Variants in PWWP2A observed in about 807,000 individuals in gnomAD.
PWWP2A encodes the protein PWWP domain containing 2A, also known as PWWP domain-containing protein 2A.
Under a neutral mutation model 48.5 loss-of-function variants are expected in PWWP2A, and 18 were observed. The ratio of observed to expected loss-of-function variants is 0.37; its 90% CI spans 0.26 to 0.55. The LOEUF (loss-of-function observed/expected upper bound fraction) is 0.55, where lower values mean the gene tolerates loss of function less well. Ranked by LOEUF, PWWP2A falls within the 20% of genes least tolerant of loss-of-function variation. The probability of loss-of-function intolerance (pLI) is 0.81; values close to 1 mark genes in which losing one functional copy is unlikely to be tolerated. For synonymous variants in PWWP2A, 396 were observed against 387.7 expected (o/e 1.02, Z -0.25); for missense variants, 867 against 976.4 (o/e 0.89, Z 1.49).
At position 160,119,070 on chromosome 5, in the gene PWWP2A, G is replaced by A; in HGVS notation, c.319C>T (p.Pro107Ser). The change falls in exon 1 of 2, where the codon CCT (proline) becomes TCT (serine). Residue 107 changes from proline to serine, a missense_variant. Coordinates refer to ENST00000307063, the MANE Select transcript of PWWP2A (RefSeq NM_001130864.2). ...VRVAESAAAAPQGGPELPPSP... is the reference protein window; with the variant it reads ...VRVAESAAAASQGGPELPPSP... ...GGTGGAAGTTCCGGCCCTCCCTGAG[G>A]CGCGGCTGCCGCCGACTCCGCCACC... 1.3e-6 allele frequency: 2 copies of A among 1,589,486 alleles called. No individual in the cohort carries two copies. Among genetic ancestry groups the A allele is most frequent in the East Asian group, 2.3e-5 (1 of 42,908 alleles).
chr5:160,069,425 A>C (rs1320591604), intron 2 of PWWP2A, among the ~76,000 whole-genome samples: 1 of 152,128 alleles, frequency 6.6e-6, no homozygotes, highest in African/African-American at 2.4e-5. Context: ...TGGCCACCTC[A>C]CCCTGGAGTT....
At chr5:160,100,292 G>A (rs1201328727) in intron 1 of PWWP2A, among the ~76,000 whole-genome samples, 2 of 152,102 alleles carry the variant, frequency 1.3e-5, no homozygotes, top group Non-Finnish European at 2.9e-5. Flanking sequence ...GGGAGACAGA[G>A]TGAGACTTCA....
At chr5:160,109,667 C>T (rs1757244437) in intron 1 of PWWP2A, among the ~76,000 whole-genome samples, 1 of 148,858 alleles carries the variant, frequency 6.7e-6, no homozygotes, top group Non-Finnish European at 1.5e-5. Flanking sequence ...GAAGAGAGGC[C>T]TTGATAAGGC....
At chr5:160,066,133 T>C (rs1426398762) in intron 4 of PWWP2A, among the ~76,000 whole-genome samples, 1 of 152,194 alleles carries the variant, frequency 6.6e-6, no homozygotes, top group South Asian at 2.1e-4. Context: ...TTGGTCAAAG[T>C]GAACCTCAGA....
At chr5:160,089,686 T>C (rs573069885), downstream of PWWP2A, 2,141 of 1,278,048 alleles carry the variant, frequency 1.7e-3, 4 homozygotes, top group Non-Finnish European at 2.0e-3. Context: ...CATTCTTAGC[T>C]TTCACAACTC....
chr5:160,084,577 C>G (rs1043991800), intron 2 of PWWP2A, among the ~76,000 whole-genome samples: 2 of 151,738 alleles, frequency 1.3e-5, no homozygotes, highest in Non-Finnish European at 2.9e-5. Flanking sequence ...TACAGGCGTG[C>G]ACCACCGAGC....
chr5:160,092,129 T>C lies in PWWP2A; in HGVS notation c.*253A>G. On this transcript the variant is annotated 3_prime_UTR_variant, in exon 2 of 2. Transcript: ENST00000307063. The stretch of plus-strand genomic sequence containing the variant: ...ATTTCAGTTGAGGCTATGGCTCCTA[T>C]GCCTTGGGATGGTTTCGAACTTCAA... The C allele has an allele frequency of 1.6e-6, 2 of 1,212,186 alleles. No individual in the cohort carries two copies. Among genetic ancestry groups the C allele is most frequent in the Non-Finnish European group, 2.1e-6 (2 of 972,322 alleles). The allele number at this position is 1,212,186 out of a possible 1,614,324, so 75.1% of individuals were successfully genotyped here.
rs1755159275 is a variant in PWWP2A, at chr5:160,092,260, C to T, written c.*122G>A. 2 of 1,421,450 alleles carry T rather than the reference C, an allele frequency of 1.4e-6. No individual in the cohort carries two copies. The highest frequency in any genetic ancestry group is 2.9e-5 in the African/African-American group (2 of 69,416). 88.1% of individuals were successfully genotyped at this position (1,421,450 alleles called of 1,614,324 possible). A position where few individuals can be genotyped will look rare whatever the true frequency, so the allele number is the denominator to read the frequency against. ...TGGCTATAAGGTAAGTATTAAAAAG[C>T]CAGCCAACTGAGTGCAACTTCTCTC... On this transcript the variant is annotated 3_prime_UTR_variant, in exon 2 of 2. Transcript: ENST00000307063.
downstream of PWWP2A, among the ~76,000 whole-genome samples, chr5:160,075,615 G>C (rs1484549543): frequency 6.6e-6 from 1 of 151,966 alleles, no homozygotes; most frequent in African/African-American, 2.4e-5. Context: ...AGGGTAGGTT[G>C]TTTCTATCGA....
At chr5:160,109,002 CAGAT>C (rs1393446467) in intron 1 of PWWP2A, among the ~76,000 whole-genome samples, 2 of 151,986 alleles carry the variant, frequency 1.3e-5, no homozygotes, top group Non-Finnish European at 2.9e-5. Flanking sequence ...TTTTTGTCTT[CAGAT>C]AGAGTCTCAC....
intron 1 of PWWP2A, among the ~76,000 whole-genome samples, chr5:160,099,459 A>C (rs1756025976): frequency 6.6e-6 from 1 of 152,114 alleles, no homozygotes; most frequent in Non-Finnish European, 1.5e-5. Flanking sequence ...CTTGAAAATA[A>C]AACTTTCTGT....
Position 160,094,072 on chromosome 5 carries a change from A to G in PWWP2A, c.585-7T>C, listed in dbSNP as rs781092767. ...GATACCATGGGGCCCAAACCTTTGA[A>G]AGAAATGGAAGAAAAAAAGAAGACA... On this transcript the variant is annotated splice_region_variant and splice_polypyrimidine_tract_variant and intron_variant, in intron 1 of 1. Transcript: ENST00000307063. The G allele has an allele frequency of 9.5e-5, 149 of 1,566,762 alleles. No homozygotes were observed. In the East Asian group the frequency reaches 1.6e-3, roughly 17 times the overall value.
chr5:160,081,192 AC>A (rs1270760124), intron 2 of PWWP2A, among the ~76,000 whole-genome samples: 5 of 151,810 alleles, frequency 3.3e-5, no homozygotes, highest in Non-Finnish European at 7.4e-5. Context: ...ATAAGGCTGA[AC>A]CGTCATCTCT....
At chr5:160,058,703 G>A (rs867193309), downstream of PWWP2A, among the ~76,000 whole-genome samples, 45 of 152,172 alleles carry the variant, frequency 3.0e-4, no homozygotes, top group Middle Eastern at 0.01. Context: ...GAGCCACCGC[G>A]CCTGGCCAAT....
At position 160,119,104 on chromosome 5, in the gene PWWP2A, C is replaced by T. The variant is rs1261761540; in HGVS notation, c.285G>A (p.Leu95=). The T allele has an allele frequency of 2.5e-6, 4 of 1,588,358 alleles. No individual in the cohort carries two copies. In the East Asian group the frequency reaches 7.0e-5, roughly 28 times the overall value. The change falls in exon 1 of 2, where the codon CTG becomes CTA. Residue 95 remains leucine (L), a synonymous_variant. Coordinates refer to ENST00000307063, the MANE Select transcript of PWWP2A (RefSeq NM_001130864.2). ...VGPELEAEEK[L]SVRVAESAAA... The stretch of plus-strand genomic sequence containing the variant: ...CCGCCGACTCCGCCACCCGAACGGA[C>T]AGTTTCTCCTCAGCCTCCAGCTCCG...
intron 2 of PWWP2A, among the ~76,000 whole-genome samples, chr5:160,082,370 G>A (rs947708325): frequency 1.3e-5 from 2 of 151,780 alleles, no homozygotes; most frequent in East Asian, 3.9e-4. Flanking sequence ...CGTGAACCCG[G>A]GAGGCGGAGC....
At chr5:160,088,368 G>T (rs1432427150), downstream of PWWP2A, among the ~76,000 whole-genome samples, 3 of 152,142 alleles carry the variant, frequency 2.0e-5, no homozygotes, top group Non-Finnish European at 2.9e-5. Flanking sequence ...GAGTAGCTGG[G>T]ATTACAGGCG....
intron 1 of PWWP2A, among the ~76,000 whole-genome samples, chr5:160,107,558 A>G (rs1277551157): frequency 6.6e-6 from 1 of 151,300 alleles, no homozygotes; most frequent in East Asian, 1.9e-4. Flanking sequence ...AAATTAACTC[A>G]GCCATTACAG....
At chr5:160,045,553 C>CT in the PWWP2A span, among the ~76,000 whole-genome samples, 1,510 of 126,416 alleles carry the variant, frequency 0.012, 49 homozygotes, top group Middle Eastern at 0.022. Context: ...CTCTCTCTCT[C>CT]CCCCTCCCCT....
Sources: allele counts gnomAD v4.1 joint callset (sites outside exome capture counted in the v4.1 genomes callset), GRCh38; gene constraint gnomAD v4.1.1; transcripts MANE v1.5; gene names NCBI Gene and HGNC (gene_info 2026-07-23, HGNC 2026-07-21).